GRIP1: variants seen among roughly 807,000 people sequenced by gnomAD.
The protein encoded by GRIP1 is glutamate receptor interacting protein 1, also known as glutamate receptor-interacting protein 1.
A neutral mutation model predicts 129.9 loss-of-function variants in GRIP1; 45 were observed. That is an observed-to-expected ratio of 0.35 (90% CI 0.27 to 0.44). The LOEUF (loss-of-function observed/expected upper bound fraction) is 0.44, where lower values mean the gene tolerates loss of function less well. GRIP1 is among the 20% of genes least tolerant of loss of function. The probability of loss-of-function intolerance (pLI) is 1.00; values close to 1 mark genes in which losing one functional copy is unlikely to be tolerated. For synonymous variants in GRIP1, 530 were observed against 520.8 expected (o/e 1.02, Z -0.24); for missense variants, 1,196 against 1,396.8 (o/e 0.86, Z 2.29).
intron 24 of GRIP1, among the ~76,000 whole-genome samples, chr12:66,352,395 G>A (rs2054272650): frequency 6.6e-6 from 1 of 152,128 alleles, no homozygotes; most frequent in South Asian, 2.1e-4. Context: ...GCCAGGAGGT[G>A]GCAGCATACA....
intron 1 of GRIP1, among the ~76,000 whole-genome samples, chr12:66,655,158 G>T (rs1012344303): frequency 1.3e-5 from 2 of 152,018 alleles, no homozygotes; most frequent in Admixed American, 6.5e-5. Context: ...ATCCCTCCAC[G>T]TTCCCCCAAG....
chr12:66,819,349 T>C (rs1032603349), intron 1 of GRIP1, among the ~76,000 whole-genome samples: 1 of 152,170 alleles, frequency 6.6e-6, no homozygotes, highest in Non-Finnish European at 1.5e-5. Context: ...TAATAAGAAA[T>C]ATTAATGTTT....
At chr12:66,945,253 T>C (rs189147750) in intron 1 of GRIP1, among the ~76,000 whole-genome samples, 5 of 152,306 alleles carry the variant, frequency 3.3e-5, no homozygotes, top group Admixed American at 6.5e-5. Flanking sequence ...GGCGTACAGA[T>C]TATTTTGTCA....
intron 1 of GRIP1, among the ~76,000 whole-genome samples, chr12:66,820,153 G>A (rs977550985): frequency 2.0e-5 from 3 of 152,318 alleles, no homozygotes; most frequent in Admixed American, 2.0e-4. Context: ...GCTCACGCCT[G>A]TAATCCCAGC....
chr12:66,777,332 G>C (rs1239362819), intron 1 of GRIP1, among the ~76,000 whole-genome samples: 1 of 151,844 alleles, frequency 6.6e-6, no homozygotes, highest in African/African-American at 2.4e-5. Flanking sequence ...CCTCCTCTTG[G>C]AACACCCTTC....
chr12:66,810,565 A>T (rs1175293848), intron 1 of GRIP1, among the ~76,000 whole-genome samples: 1 of 147,252 alleles, frequency 6.8e-6, no homozygotes, highest in Non-Finnish European at 1.5e-5. Context: ...GTCAAGGAAA[A>T]AAAAGAGTTT....
chr12:66,686,368 G>C (rs2034785228), intron 1 of GRIP1, among the ~76,000 whole-genome samples: 1 of 152,230 alleles, frequency 6.6e-6, no homozygotes, highest in Non-Finnish European at 1.5e-5. Context: ...GTCTGTGTAT[G>C]AAGGAAATAC....
intron 1 of GRIP1, among the ~76,000 whole-genome samples, chr12:66,652,766 A>T (rs1449201180): frequency 6.6e-6 from 1 of 152,214 alleles, no homozygotes; most frequent in Non-Finnish European, 1.5e-5. Context: ...AGCTGATTTC[A>T]ATAACAAGAA....
intron 12 of GRIP1, 120 bp from the exon 13 acceptor site, chr12:66,444,849 A>ATG: frequency 1.0e-6 from 1 of 991,812 alleles, no homozygotes; most frequent in Non-Finnish European, 1.6e-6. Context: ...TTGCTTATTC[A>ATG]ATGCTGTGGG....
At chr12:67,040,906 T>C (rs1334232475) in intron 1 of GRIP1, among the ~76,000 whole-genome samples, 1 of 152,136 alleles carries the variant, frequency 6.6e-6, no homozygotes, top group African/African-American at 2.4e-5. Context: ...TGTATTTAAA[T>C]TGGTGGACTG....
chr12:66,697,703 T>C (rs1456844027), intron 1 of GRIP1, among the ~76,000 whole-genome samples: 2 of 152,182 alleles, frequency 1.3e-5, no homozygotes, highest in East Asian at 3.9e-4. Context: ...TCTCTGTCCA[T>C]AGACAGCTCC....
chr12:66,715,282 C>T (rs1410193638), intron 1 of GRIP1, among the ~76,000 whole-genome samples: 4 of 152,092 alleles, frequency 2.6e-5, no homozygotes, highest in South Asian at 2.1e-4. Context: ...ACTACTTGTG[C>T]TTTCTGGAGC....
intron 19 of GRIP1, among the ~76,000 whole-genome samples, chr12:66,380,195 C>A (rs1449121593): frequency 1.3e-5 from 2 of 152,126 alleles, no homozygotes; most frequent in Non-Finnish European, 2.9e-5. Flanking sequence ...CAGGTGTGAG[C>A]CATCGTGCCG....
At chr12:66,945,998 T>TC (rs746666213) in intron 1 of GRIP1, among the ~76,000 whole-genome samples, 8 of 152,200 alleles carry the variant, frequency 5.3e-5, no homozygotes, top group Non-Finnish European at 8.8e-5. Flanking sequence ...CCTCAATTCC[T>TC]CCCCTTCCTT....
At chr12:66,530,183 A>C (rs2061396260) in intron 4 of GRIP1, among the ~76,000 whole-genome samples, 1 of 152,234 alleles carries the variant, frequency 6.6e-6, no homozygotes, top group South Asian at 2.1e-4. Context: ...TTTCTAGATA[A>C]GAGGGGGATA....
At chr12:66,827,534 T>C (rs1255409645) in intron 1 of GRIP1, among the ~76,000 whole-genome samples, 1 of 152,084 alleles carries the variant, frequency 6.6e-6, no homozygotes, top group East Asian at 1.9e-4. Context: ...CCCTGTTCCA[T>C]TGGTTGGAAG....
At chr12:66,483,748 C>A (rs1211787177) in intron 7 of GRIP1, among the ~76,000 whole-genome samples, 1 of 152,178 alleles carries the variant, frequency 6.6e-6, no homozygotes, top group Non-Finnish European at 1.5e-5. Context: ...TTTTCATAAA[C>A]TGAATATATC....
intron 1 of GRIP1, among the ~76,000 whole-genome samples, chr12:66,917,875 C>T (rs2041151125): frequency 6.6e-6 from 1 of 151,950 alleles, no homozygotes; most frequent in South Asian, 2.1e-4. Flanking sequence ...CTCTTTATAT[C>T]TCTGAACCAA....
Position 66,710,679 on chromosome 12 carries a change from C to T in GRIP1, c.-419-80343G>A, listed in dbSNP as rs73128877. ...ACTCCCCCGCCCATCATGCACTTTG[C>T]AAGACCTTTATGATTACAAAGAATC... is the stretch of plus-strand genomic sequence containing the variant. On this transcript the variant is annotated intron_variant, in intron 1 of 4. Coordinates refer to the GRIP1 transcript ENST00000538373. 2.6e-3 allele frequency among the ~76,000 whole-genome samples: 389 copies of T among 152,018 alleles called. 2 individuals carry two copies. The highest frequency in any genetic ancestry group is 7.1e-3 in the South Asian group (34 of 4,816).
Sources: gnomAD v4.1 joint callset for allele counts (sites outside exome capture counted in the v4.1 genomes callset) on GRCh38, gnomAD v4.1.1 for gene constraint, MANE v1.5 for transcripts, NCBI Gene and HGNC (gene_info 2026-07-23, HGNC 2026-07-21) for gene names.